Variants in CCDC13 observed in about 807,000 individuals in gnomAD.
CCDC13 encodes the protein coiled-coil domain-containing protein 13.
CCDC13 carries 70 observed loss-of-function variants against 87.3 expected under a neutral mutation model. The ratio of observed to expected loss-of-function variants is 0.80; its 90% CI spans 0.66 to 0.98. CCDC13 has a LOEUF of 0.98. Among genes scored for constraint, CCDC13 ranks in the 50% least tolerant of loss-of-function variants. The pLI, the probability that CCDC13 is intolerant of heterozygous loss-of-function variation, is 0.00. For missense variants in CCDC13, 842 were observed against 892.0 expected (o/e 0.94, Z 0.71); for synonymous variants, 317 against 360.3 (o/e 0.88, Z 1.36).
intron 13 of CCDC13, among the ~76,000 whole-genome samples, chr3:42,728,283 C>G (rs1358947366): frequency 6.6e-6 from 1 of 152,004 alleles, no homozygotes; most frequent in Admixed American, 6.6e-5. Context: ...CCCTGGGATG[C>G]TGGGATGAGC....
intron 1 of CCDC13, among the ~76,000 whole-genome samples, chr3:42,772,875 A>C (rs1175392469): frequency 6.6e-6 from 1 of 152,196 alleles, no homozygotes; most frequent in Non-Finnish European, 1.5e-5. Context: ...GGCGGACCTG[A>C]GTTCGAGTTC....
intron 1 of CCDC13, among the ~76,000 whole-genome samples, chr3:42,765,960 G>A (rs1699923312): frequency 6.6e-6 from 1 of 152,204 alleles, no homozygotes; most frequent in South Asian, 2.1e-4. Context: ...GATCAGCTTT[G>A]CCTTCTGCAG....
At chr3:42,743,620 T>C (rs1306912509) in intron 7 of CCDC13, among the ~76,000 whole-genome samples, 3 of 140,384 alleles carry the variant, frequency 2.1e-5, no homozygotes, top group East Asian at 2.0e-4. Context: ...CATATATATA[T>C]ACACATATAC....
chr3:42,747,228 A>T (rs1258791124), intron 6 of CCDC13, 29 bp downstream of exon 6: 1 of 1,557,842 alleles, frequency 6.4e-7, no homozygotes, highest in Admixed American at 1.7e-5. Flanking sequence ...CAGCCACACA[A>T]GAAGCCCCAA....
chr3:42,746,882 A>G (rs1172936885), intron 6 of CCDC13: 1 of 343,240 alleles, frequency 2.9e-6, no homozygotes. Flanking sequence ...CAGGCTTTCA[A>G]GTTAAGTAAG....
At chr3:42,769,590 G>A (rs758107326) in intron 1 of CCDC13, among the ~76,000 whole-genome samples, 5 of 152,278 alleles carry the variant, frequency 3.3e-5, no homozygotes, top group Admixed American at 1.3e-4. Context: ...GCACCTCCTC[G>A]GCCTTGGCGC....
In CCDC13 at chr3:42,743,075, C is replaced by T. The variant is rs778801298; in HGVS notation, c.826-18G>A. Reference sequence around the variant, plus strand: ...TCTTGAACCTGAGGATGGTAAAACTCGTCGTTCCACAATGGGTCTTCTGCC... The same window carrying T: ...TCTTGAACCTGAGGATGGTAAAACTTGTCGTTCCACAATGGGTCTTCTGCC... On this transcript the variant is annotated intron_variant, in intron 7 of 15. Coordinates refer to ENST00000310232, the MANE Select transcript of CCDC13 (RefSeq NM_144719.4). The T allele has an allele frequency of 4.8e-5, 78 of 1,613,178 alleles. No individual in the cohort carries two copies. Among genetic ancestry groups the T allele is most frequent in the East Asian group, 3.6e-4 (16 of 44,872 alleles).
chr3:42,739,678 C>A lies in CCDC13; in HGVS notation c.1120G>T (p.Val374Leu). Residue 374 changes from valine (V) to leucine (L), a missense_variant, in exon 9 of 16, where the codon GTG becomes TTG. Val to Leu is a conservative substitution (Grantham distance 32). Coordinates refer to ENST00000310232, the MANE Select transcript of CCDC13 (RefSeq NM_144719.4). ...TCGTCATCATGCCGGCCCTTCTCCA[C>A]CAGGGTTCCCATCTGACTCTTGAGG... Reference protein sequence around the residue: ...KTLKSQMGTLVEKGRHDDELI... With the variant: ...KTLKSQMGTLLEKGRHDDELI... 6.2e-7 allele frequency: 1 copy of A among 1,614,198 alleles called. No homozygotes were observed. The highest frequency in any genetic ancestry group is 8.5e-7 in the Non-Finnish European group (1 of 1,180,018).
chr3:42,739,356 C>T (rs1039605756), intron 9 of CCDC13, among the ~76,000 whole-genome samples: 2 of 152,194 alleles, frequency 1.3e-5, no homozygotes, highest in Non-Finnish European at 2.9e-5. Flanking sequence ...CACCTCCTTC[C>T]CCCAATACAT....
intron 1 of CCDC13, chr3:42,770,615 TCCCCTTC>T (rs1423971015): frequency 6.6e-6 from 1 of 152,248 alleles, no homozygotes; most frequent in Non-Finnish European, 1.5e-5. Flanking sequence ...CCTGCTGAGG[TCCCCTTC>T]CACACTGTTG....
intron 3 of CCDC13, among the ~76,000 whole-genome samples, chr3:42,756,480 C>G (rs1699706285): frequency 6.6e-6 from 1 of 152,154 alleles, no homozygotes; most frequent in African/African-American, 2.4e-5. Flanking sequence ...CCAGCCCACA[C>G]CTTGTTGGTG....
In CCDC13 at chr3:42,708,856, G is replaced by T. The variant is rs1405819563; in HGVS notation, c.*124C>A. On this transcript the variant is annotated 3_prime_UTR_variant, in exon 16 of 16. Coordinates refer to ENST00000310232, the MANE Select transcript of CCDC13 (RefSeq NM_144719.4). Reference sequence around the variant, plus strand: ...GGTCATCCTTAAGGAGCCTCTTCTGGTAGAAGTGGTTGAGCTGGCTGCCCT... The same window carrying T: ...GGTCATCCTTAAGGAGCCTCTTCTGTTAGAAGTGGTTGAGCTGGCTGCCCT... The T allele has an allele frequency of 1.0e-6, 1 of 986,354 alleles. No homozygotes were observed. The highest frequency in any genetic ancestry group is 1.5e-6 in the Non-Finnish European group (1 of 685,208). The allele number at this position is 986,354 out of a possible 1,614,324, so 61.1% of individuals were successfully genotyped here. A position where few individuals can be genotyped will look rare whatever the true frequency, so the allele number is the denominator to read the frequency against.
At chr3:42,717,482 T>G (rs1698460341) in intron 13 of CCDC13, among the ~76,000 whole-genome samples, 1 of 151,018 alleles carries the variant, frequency 6.6e-6, no homozygotes, top group African/African-American at 2.4e-5. Context: ...GGGTGGCGTA[T>G]GAGGAGCTAT....
At chr3:42,754,879 C>A (rs1356675853) in intron 3 of CCDC13, among the ~76,000 whole-genome samples, 1 of 152,112 alleles carries the variant, frequency 6.6e-6, no homozygotes, top group Non-Finnish European at 1.5e-5. Flanking sequence ...GCAAGCTCTA[C>A]TGTTGAAGCT....
chr3:42,729,881 G>C (rs887989483), intron 13 of CCDC13, among the ~76,000 whole-genome samples: 2 of 152,232 alleles, frequency 1.3e-5, no homozygotes, highest in Non-Finnish European at 1.5e-5. Context: ...GAGGTCACAT[G>C]GTTGAGCCAT....
intron 7 of CCDC13, chr3:42,745,367 G>A (rs572369120): frequency 6.5e-6 from 1 of 153,304 alleles, no homozygotes; most frequent in African/African-American, 2.4e-5. Context: ...ATACAGATGA[G>A]GAAACTGAGG....
At chr3:42,727,756 G>C (rs1698722682) in intron 13 of CCDC13, among the ~76,000 whole-genome samples, 1 of 152,194 alleles carries the variant, frequency 6.6e-6, no homozygotes, top group Admixed American at 6.5e-5. Context: ...ACTTTAGATT[G>C]CTGAGTTTGA....
intron 8 of CCDC13, 50 bp from the exon 9 acceptor site, chr3:42,739,860 GC>G: frequency 6.4e-7 from 1 of 1,552,364 alleles, no homozygotes. Flanking sequence ...TGGGACCTTG[GC>G]CACATCTGCT....
intron 3 of CCDC13, 132 bp from the exon 4 acceptor site, chr3:42,752,849 C>T: frequency 9.4e-7 from 1 of 1,059,860 alleles, no homozygotes; most frequent in Non-Finnish European, 1.4e-6. Flanking sequence ...GGGGCACTAA[C>T]TTAGGAGGGT....
Sources: allele counts gnomAD v4.1 joint callset (sites outside exome capture counted in the v4.1 genomes callset), GRCh38; gene constraint gnomAD v4.1.1; transcripts MANE v1.5; gene names NCBI Gene and HGNC (gene_info 2026-07-23, HGNC 2026-07-21).